The following TMC7 variants were observed in gnomAD, a reference collection of about 807,000 sequenced individuals.
The protein encoded by TMC7 is transmembrane channel like 7.
In TMC7, 54 loss-of-function variants were observed where a neutral mutation model predicts 82.9. That is an observed-to-expected ratio of 0.65 (90% CI 0.52 to 0.82). The LOEUF is 0.82. TMC7 is among the 40% of genes least tolerant of loss of function. The probability of loss-of-function intolerance (pLI) is 0.00; values close to 1 mark genes in which losing one functional copy is unlikely to be tolerated. For missense variants in TMC7, 820 were observed against 901.2 expected (o/e 0.91, Z 1.15); for synonymous variants, 350 against 337.9 (o/e 1.04, Z -0.39).
Position 19,002,029 on chromosome 16 carries a change from G to A in TMC7, c.68-7143G>A, listed in dbSNP as rs1450132608. Among the ~76,000 whole-genome samples the A allele has an allele frequency of 3.3e-5, 5 of 152,230 alleles. No homozygotes were observed. The East Asian group carries it at 9.7e-4, about 29-fold the overall frequency. On this transcript the variant is annotated intron_variant, in intron 1 of 15. Transcript: ENST00000304381. ...TACGGTTGGGCAAGTTTCTTGGCTA[G>A]AACGCGGGGGAAGCTGGTGGTGGTT...
intron 3 of TMC7, among the ~76,000 whole-genome samples, chr16:19,020,352 C>CG (rs929606804): frequency 7.0e-4 from 106 of 151,562 alleles, no homozygotes; most frequent in African/African-American, 2.4e-3. Context: ...GTAGGATGGG[C>CG]GGGGGGAAGG....
At chr16:18,987,040 C>T (rs1294001650) in intron 1 of TMC7, among the ~76,000 whole-genome samples, 6 of 152,086 alleles carry the variant, frequency 3.9e-5, no homozygotes, top group African/African-American at 1.2e-4. Flanking sequence ...CTCCTGACCT[C>T]GTGATCCGCC....
chr16:19,018,796 A>G (rs1642270009), intron 3 of TMC7, among the ~76,000 whole-genome samples: 1 of 152,154 alleles, frequency 6.6e-6, no homozygotes. Context: ...AAAAATGAAA[A>G]TAAAAAAAAA....
At chr16:19,028,686 C>A (rs763163512) in intron 5 of TMC7, among the ~76,000 whole-genome samples, 1 of 151,860 alleles carries the variant, frequency 6.6e-6, no homozygotes, top group Non-Finnish European at 1.5e-5. Flanking sequence ...GACAGAGTCT[C>A]GCTCTGTTGC....
chr16:19,008,439 G>A (rs1596735565), intron 1 of TMC7, among the ~76,000 whole-genome samples: 2 of 152,176 alleles, frequency 1.3e-5, no homozygotes, highest in Non-Finnish European at 2.9e-5. Flanking sequence ...TTAGCAGGGC[G>A]GTCAAGCTGG....
At chr16:19,039,238 C>T (rs1021450417) in intron 8 of TMC7, among the ~76,000 whole-genome samples, 2 of 151,778 alleles carry the variant, frequency 1.3e-5, no homozygotes, top group African/African-American at 4.8e-5. Context: ...TTACAGGCAC[C>T]CGCCAACACA....
chr16:19,039,674 A>C (rs1302336605), intron 8 of TMC7, among the ~76,000 whole-genome samples: 2 of 152,168 alleles, frequency 1.3e-5, no homozygotes, highest in East Asian at 3.8e-4. Context: ...TTCAATTTCA[A>C]ATCAAATCAA....
intron 3 of TMC7, 22 bp from the exon 4 acceptor site, chr16:19,021,607 T>C: frequency 3.7e-6 from 6 of 1,613,394 alleles, no homozygotes; most frequent in Non-Finnish European, 5.1e-6. Context: ...TGGTCAGTGA[T>C]GTCCGGGTTT....
chr16:19,001,972 A>G (rs1022470345), intron 1 of TMC7, among the ~76,000 whole-genome samples: 10 of 152,146 alleles, frequency 6.6e-5, no homozygotes, highest in Non-Finnish European at 1.3e-4. Context: ...TTTGTGTGGG[A>G]AACAAACCCC....
chr16:18,994,477 G>A (rs1178146100), intron 1 of TMC7, among the ~76,000 whole-genome samples: 1 of 151,790 alleles, frequency 6.6e-6, no homozygotes, highest in Non-Finnish European at 1.5e-5. Context: ...AATTCTGACC[G>A]CACAGCCCTG....
At chr16:19,039,413 C>T (rs1960909288) in intron 8 of TMC7, among the ~76,000 whole-genome samples, 2 of 152,030 alleles carry the variant, frequency 1.3e-5, no homozygotes, top group Admixed American at 6.6e-5. Flanking sequence ...CTGTATGGTA[C>T]AAGATAGCTC....
intron 1 of TMC7, among the ~76,000 whole-genome samples, chr16:19,003,408 G>A (rs557342153): frequency 1.4e-5 from 2 of 147,524 alleles, no homozygotes; most frequent in African/African-American, 2.6e-5. Flanking sequence ...AGGGAGGTGG[G>A]GGGGGTCAGC....
intron 1 of TMC7, among the ~76,000 whole-genome samples, chr16:18,997,978 C>T (rs927182047): frequency 4.0e-5 from 6 of 151,726 alleles, no homozygotes; most frequent in Non-Finnish European, 7.4e-5. Flanking sequence ...GTGATCCGCC[C>T]GCCTCGGTCT....
chr16:19,007,570 C>T (rs889638948), intron 1 of TMC7, among the ~76,000 whole-genome samples: 2 of 152,108 alleles, frequency 1.3e-5, no homozygotes, highest in Non-Finnish European at 1.5e-5. Flanking sequence ...GGTCTCACCC[C>T]TTCCCTTCAT....
At chr16:18,984,750 G>A (rs1272963450) in intron 1 of TMC7, among the ~76,000 whole-genome samples, 1 of 152,056 alleles carries the variant, frequency 6.6e-6, no homozygotes, top group Non-Finnish European at 1.5e-5. Context: ...CTTTTGTATC[G>A]GGTAGAATTA....
chr16:19,017,696 A>C (rs1383674963), intron 3 of TMC7, among the ~76,000 whole-genome samples: 1 of 138,118 alleles, frequency 7.2e-6, no homozygotes, highest in Non-Finnish European at 1.5e-5. Flanking sequence ...TTGAGACTGA[A>C]TCTTGCTCTA....
At chr16:19,004,767 T>C (rs555143759) in intron 1 of TMC7, among the ~76,000 whole-genome samples, 1 of 152,330 alleles carries the variant, frequency 6.6e-6, no homozygotes, top group African/African-American at 2.4e-5. Context: ...CTGTGATGGG[T>C]TCCTAGTTCC....
chr16:19,023,065 A>C, intron 4 of TMC7, 48 bp from the exon 5 acceptor site: 1 of 1,237,190 alleles, frequency 8.1e-7, no homozygotes, highest in Non-Finnish European at 1.2e-6. Context: ...GGCAGGTTAT[A>C]GAGACTAAAA....
At chr16:19,017,651 G>C (rs8050814) in intron 3 of TMC7, among the ~76,000 whole-genome samples, 44,542 of 144,976 alleles carry the variant, frequency 0.31, 6,967 homozygotes, top group Non-Finnish European at 0.34. Context: ...TTAAGACCTT[G>C]CCTCTTCAAA....
Sources: gnomAD v4.1 joint callset for allele counts (sites outside exome capture counted in the v4.1 genomes callset) on GRCh38, gnomAD v4.1.1 for gene constraint, MANE v1.5 for transcripts, NCBI Gene and HGNC (gene_info 2026-07-23, HGNC 2026-07-21) for gene names.